Variants in PRELID2 observed in about 807,000 individuals in gnomAD.
The protein encoded by PRELID2 is PRELI domain-containing protein 2.
Under a neutral mutation model 28.4 loss-of-function variants are expected in PRELID2, and 25 were observed. The ratio of observed to expected loss-of-function variants is 0.88; its 90% CI spans 0.64 to 1.23. The LOEUF is 1.23. PRELID2 is among the 50% of genes most tolerant of loss of function. The probability of loss-of-function intolerance (pLI) is 0.00; values close to 1 mark genes in which losing one functional copy is unlikely to be tolerated. For missense variants in PRELID2, 201 were observed against 214.4 expected (o/e 0.94, Z 0.39); for synonymous variants, 76 against 71.6 (o/e 1.06, Z -0.31).
the PRELID2 span, among the ~76,000 whole-genome samples, chr5:145,330,522 A>G: frequency 6.6e-6 from 1 of 152,192 alleles, no homozygotes; most frequent in African/African-American, 2.4e-5. Flanking sequence ...GTGTCCAGGA[A>G]TTTATCCATT....
chr5:145,343,727 T>A, the PRELID2 span, among the ~76,000 whole-genome samples: 2,377 of 151,568 alleles, frequency 0.016, 69 homozygotes, highest in African/African-American at 0.055. Flanking sequence ...AAACAAAAAA[T>A]TAGTGATTTG....
chr5:145,350,372 G>A, the PRELID2 span, among the ~76,000 whole-genome samples: 1 of 152,154 alleles, frequency 6.6e-6, no homozygotes, highest in Admixed American at 6.6e-5. Context: ...CATTAGGCAG[G>A]TAAGAGACAA....
intron 1 of PRELID2, among the ~76,000 whole-genome samples, chr5:145,615,332 T>G (rs1273286154): frequency 1.8e-5 from 2 of 112,664 alleles, no homozygotes; most frequent in South Asian, 2.8e-4. Flanking sequence ...TTTTTGTTTT[T>G]TTTTTTTTTT....
intron 1 of PRELID2, among the ~76,000 whole-genome samples, chr5:145,715,601 G>A (rs1755820435): frequency 1.3e-5 from 2 of 152,082 alleles, no homozygotes. Flanking sequence ...CACATGATTG[G>A]ATGCCTGTCT....
chr5:145,359,729 G>A, the PRELID2 span, among the ~76,000 whole-genome samples: 15 of 152,104 alleles, frequency 9.9e-5, no homozygotes, highest in African/African-American at 3.1e-4. Context: ...ATTATCAGAG[G>A]TTATTACATG....
chr5:145,373,368 T>G, the PRELID2 span, among the ~76,000 whole-genome samples: 1 of 70,308 alleles, frequency 1.4e-5, no homozygotes, highest in Non-Finnish European at 2.5e-5. Flanking sequence ...TATATGATAT[T>G]ATATATTACA....
At position 145,724,605 on chromosome 5, in the gene PRELID2, AT is replaced by A. The variant is rs1756083656; in HGVS notation, n.70+40325del. On this transcript the variant is annotated intron_variant and non_coding_transcript_variant, in intron 1 of 2. Coordinates refer to the PRELID2 transcript ENST00000510259. ...GAAATAACAAGAAGTAAATAAATAT[AT>A]ATATATATATATATATATATATATA... Among the ~76,000 whole-genome samples, 43 of 82,610 alleles carry A rather than the reference AT, an allele frequency of 5.2e-4. 1 individual carries two copies. Among genetic ancestry groups the A allele is most frequent in the African/African-American group, 1.4e-3 (34 of 25,060 alleles). The allele number at this position is 82,610 out of a possible 152,430, so 54.2% of individuals were successfully genotyped here.
the PRELID2 span, among the ~76,000 whole-genome samples, chr5:145,234,831 G>A: frequency 1.3e-5 from 2 of 151,974 alleles, no homozygotes; most frequent in African/African-American, 2.4e-5. Context: ...ATGACCCAGG[G>A]GAAGTGTTAT....
At chr5:145,237,568 A>T in the PRELID2 span, among the ~76,000 whole-genome samples, 1 of 152,098 alleles carries the variant, frequency 6.6e-6, no homozygotes, top group Non-Finnish European at 1.5e-5. Context: ...GACACAGATG[A>T]CACGTTTGCT....
chr5:145,260,419 G>C, the PRELID2 span, among the ~76,000 whole-genome samples: 11 of 152,172 alleles, frequency 7.2e-5, no homozygotes, highest in African/African-American at 2.7e-4. Flanking sequence ...GGAAAACTGA[G>C]TGAACATATC....
intron 1 of PRELID2, among the ~76,000 whole-genome samples, chr5:145,502,989 A>G (rs1752372973): frequency 1.3e-5 from 2 of 152,144 alleles, no homozygotes; most frequent in Non-Finnish European, 2.9e-5. Context: ...TGAACCACAC[A>G]GCATACACTT....
intron 1 of PRELID2, among the ~76,000 whole-genome samples, chr5:145,546,186 T>C (rs1236186567): frequency 6.6e-6 from 1 of 152,128 alleles, no homozygotes; most frequent in African/African-American, 2.4e-5. Context: ...TCTATAATTG[T>C]TATTGTAGCA....
chr5:145,362,551 A>G, the PRELID2 span, among the ~76,000 whole-genome samples: 1 of 152,118 alleles, frequency 6.6e-6, no homozygotes, highest in Non-Finnish European at 1.5e-5. Context: ...GGTATATAAT[A>G]TGCACTAAAT....
At chr5:145,591,282 C>T (rs1267802914) in intron 1 of PRELID2, among the ~76,000 whole-genome samples, 4 of 146,892 alleles carry the variant, frequency 2.7e-5, no homozygotes, top group Non-Finnish European at 5.9e-5. Flanking sequence ...AGTGATAGAG[C>T]GAGACTGTGT....
intron 1 of PRELID2, among the ~76,000 whole-genome samples, chr5:145,653,751 G>C (rs1754341129): frequency 6.6e-6 from 1 of 152,198 alleles, no homozygotes; most frequent in Non-Finnish European, 1.5e-5. Flanking sequence ...TCAAAGCAGT[G>C]TGTAGAGGGA....
chr5:145,572,070 T>C (rs923660264), intron 1 of PRELID2, among the ~76,000 whole-genome samples: 2 of 152,172 alleles, frequency 1.3e-5, no homozygotes, highest in African/African-American at 2.4e-5. Context: ...ATCTGTATAA[T>C]AAGAACCTTG....
the PRELID2 span, among the ~76,000 whole-genome samples, chr5:145,317,314 G>C: frequency 6.6e-5 from 10 of 152,198 alleles, no homozygotes; most frequent in Admixed American, 5.2e-4. Flanking sequence ...ATATGAAAAG[G>C]GTGCTCCTGA....
At chr5:145,573,512 C>T (rs1183362689) in intron 1 of PRELID2, among the ~76,000 whole-genome samples, 5 of 152,088 alleles carry the variant, frequency 3.3e-5, no homozygotes, top group African/African-American at 1.2e-4. Flanking sequence ...TCTGCCCGCA[C>T]AACAGGCCCC....
downstream of PRELID2, among the ~76,000 whole-genome samples, chr5:145,470,089 G>A (rs1752040501): frequency 2.0e-5 from 3 of 152,110 alleles, no homozygotes; most frequent in Non-Finnish European, 4.4e-5. Context: ...ATTACTAAAC[G>A]TAAATCACAC....
Sources: allele counts gnomAD v4.1 joint callset (sites outside exome capture counted in the v4.1 genomes callset), GRCh38; gene constraint gnomAD v4.1.1; transcripts MANE v1.5; gene names NCBI Gene and HGNC (gene_info 2026-07-23, HGNC 2026-07-21).